TAS2R1: variants seen among roughly 807,000 people sequenced by gnomAD.
The protein encoded by TAS2R1 is taste 2 receptor member 1.
For missense variants in TAS2R1, 370 were observed against 353.4 expected, an observed-to-expected ratio of 1.05 and a Z score of -0.38; for synonymous variants, 141 against 134.2, an observed-to-expected ratio of 1.05 and a Z score of -0.35.
chr5:9,874,916 T>C, the TAS2R1 span, among the ~76,000 whole-genome samples: 4 of 152,298 alleles, frequency 2.6e-5, no homozygotes, highest in Middle Eastern at 0.014. Context: ...CCAAAAGTAA[T>C]GCAGATGGAC....
chr5:9,664,805 A>T (rs2126498136), intron 1 of TAS2R1, among the ~76,000 whole-genome samples: 1 of 152,292 alleles, frequency 6.6e-6, no homozygotes, highest in East Asian at 1.9e-4. Context: ...ATACCTGAGA[A>T]ATGTGATTAC....
chr5:9,823,475 A>AAAGGG, the TAS2R1 span, among the ~76,000 whole-genome samples: 32 of 140,704 alleles, frequency 2.3e-4, no homozygotes, highest in African/African-American at 8.2e-4. Context: ...AAGGGAGGGA[A>AAAGGG]AAGGGAAGGG....
the TAS2R1 span, among the ~76,000 whole-genome samples, chr5:9,758,244 C>T: frequency 6.6e-6 from 1 of 152,164 alleles, no homozygotes; most frequent in South Asian, 2.1e-4. Context: ...ACCATAACAA[C>T]CTAATTTATT....
chr5:9,720,611 G>A, the TAS2R1 span, among the ~76,000 whole-genome samples: 42 of 152,286 alleles, frequency 2.8e-4, no homozygotes, highest in African/African-American at 8.9e-4. Context: ...TGCAGGAAAG[G>A]GTGGGGAACT....
the TAS2R1 span, among the ~76,000 whole-genome samples, chr5:9,809,297 G>A: frequency 1.3e-5 from 2 of 152,188 alleles, no homozygotes; most frequent in African/African-American, 4.8e-5. Context: ...GAATTTCAGA[G>A]GGCCATGAAG....
the TAS2R1 span, among the ~76,000 whole-genome samples, chr5:9,845,984 T>TTCATATATTAGC: frequency 6.6e-6 from 1 of 152,206 alleles, no homozygotes; most frequent in African/African-American, 2.4e-5. Context: ...AAACATATTA[T>TTCATATATTAGC]TCATATATTA....
chr5:9,874,808 A>C, the TAS2R1 span, among the ~76,000 whole-genome samples: 1 of 152,148 alleles, frequency 6.6e-6, no homozygotes, highest in Non-Finnish European at 1.5e-5. Context: ...TTCTCAGTCA[A>C]GAAGAAAGAT....
chr5:9,837,593 G>A, the TAS2R1 span, among the ~76,000 whole-genome samples: 1 of 152,144 alleles, frequency 6.6e-6, no homozygotes, highest in African/African-American at 2.4e-5. Flanking sequence ...ACCTTCCTGT[G>A]GGCCTGGCTC....
At chr5:9,681,757 T>C (rs1314035469) in intron 1 of TAS2R1, among the ~76,000 whole-genome samples, 1 of 152,158 alleles carries the variant, frequency 6.6e-6, no homozygotes, top group African/African-American at 2.4e-5. Context: ...AATTTAGTCC[T>C]GCTTCTCAGT....
the TAS2R1 span, among the ~76,000 whole-genome samples, chr5:9,882,423 C>G: frequency 0.17 from 26,013 of 152,068 alleles, 2,532 homozygotes; most frequent in Non-Finnish European, 0.23. Context: ...GCCAGTAATT[C>G]AAGACCAGCT....
At chr5:9,728,425 C>T in the TAS2R1 span, among the ~76,000 whole-genome samples, 5 of 152,174 alleles carry the variant, frequency 3.3e-5, no homozygotes, top group African/African-American at 7.2e-5. Flanking sequence ...TGCTTTTAGA[C>T]AAAATAGTCT....
the TAS2R1 span, among the ~76,000 whole-genome samples, chr5:9,792,930 G>A: frequency 1.3e-5 from 2 of 152,122 alleles, no homozygotes; most frequent in Non-Finnish European, 2.9e-5. Context: ...TGAAAGTGAA[G>A]GGGATCCCAC....
intron 2 of TAS2R1, chr5:9,642,067 G>T (rs1309922860): frequency 2.0e-5 from 3 of 152,196 alleles, no homozygotes; most frequent in Admixed American, 6.5e-5. Flanking sequence ...TAACTGACAG[G>T]CGGAAAGAGT....
chr5:9,789,965 G>T, the TAS2R1 span, among the ~76,000 whole-genome samples: 1 of 152,246 alleles, frequency 6.6e-6, no homozygotes, highest in African/African-American at 2.4e-5. Context: ...AAGAGGAACT[G>T]CAGAAGAGTG....
chr5:9,785,286 T>A, the TAS2R1 span, among the ~76,000 whole-genome samples: 7 of 151,124 alleles, frequency 4.6e-5, no homozygotes, highest in Non-Finnish European at 8.8e-5. Context: ...TCAGGGGAGG[T>A]TTTTGTCACG....
intron 1 of TAS2R1, among the ~76,000 whole-genome samples, chr5:9,700,576 A>G (rs569544129): frequency 6.6e-6 from 1 of 152,312 alleles, no homozygotes; most frequent in African/African-American, 2.4e-5. Flanking sequence ...ATGATCACTC[A>G]GGAGCGTTGG....
chr5:9,859,042 C>T, the TAS2R1 span, among the ~76,000 whole-genome samples: 3 of 152,150 alleles, frequency 2.0e-5, no homozygotes, highest in African/African-American at 7.2e-5. Flanking sequence ...GTGTCAGATG[C>T]AAGAACAATG....
the TAS2R1 span, among the ~76,000 whole-genome samples, chr5:9,809,959 C>A: frequency 6.6e-6 from 1 of 152,232 alleles, no homozygotes; most frequent in African/African-American, 2.4e-5. Flanking sequence ...TACTTTCAGG[C>A]TGATTGTGGT....
intron 1 of TAS2R1, among the ~76,000 whole-genome samples, chr5:9,660,735 T>C (rs1172679447): frequency 1.3e-5 from 2 of 152,178 alleles, no homozygotes; most frequent in Admixed American, 1.3e-4. Flanking sequence ...TGACCCTTGA[T>C]TATCTGAGTG....
Sources: allele counts gnomAD v4.1 joint callset (sites outside exome capture counted in the v4.1 genomes callset), GRCh38; gene constraint gnomAD v4.1.1; transcripts MANE v1.5; gene names NCBI Gene and HGNC (gene_info 2026-07-23, HGNC 2026-07-21).